WBP1L: variants seen among roughly 807,000 people sequenced by gnomAD.
WBP1L encodes WW domain binding protein 1-like.
In WBP1L, 17 loss-of-function variants were observed where a neutral mutation model predicts 33.7. The ratio of observed to expected loss-of-function variants is 0.50; its 90% CI spans 0.34 to 0.76. The LOEUF (loss-of-function observed/expected upper bound fraction) is 0.76. Among genes scored for constraint, WBP1L ranks in the 30% least tolerant of loss-of-function variants. The pLI is 0.01. For missense variants in WBP1L, 389 were observed against 469.4 expected (o/e 0.83, Z 1.58); for synonymous variants, 173 against 190.8 (o/e 0.91, Z 0.77).
At position 102,813,488 on chromosome 10, in the gene WBP1L, C is replaced by T. The variant is rs1843880655; in HGVS notation, c.*157C>T. The stretch of plus-strand genomic sequence containing the variant: ...TCCTCTCCTGCATTTTCCTCCATCT[C>T]CAGGTACAGTTCGGGGTGTGGATGC... On this transcript the variant is annotated 3_prime_UTR_variant, in exon 4 of 4. Coordinates refer to ENST00000448841, the MANE Select transcript of WBP1L (RefSeq NM_001083913.2). The T allele has an allele frequency of 9.4e-7, 1 of 1,065,472 alleles. No homozygotes were observed. The highest frequency in any genetic ancestry group is 1.6e-5 in the African/African-American group (1 of 62,494). 66.0% of individuals were successfully genotyped at this position (1,065,472 alleles called of 1,614,324 possible). A position where few individuals can be genotyped will look rare whatever the true frequency, so the allele number is the denominator to read the frequency against.
chr10:102,790,446 T>C (rs962753466), intron 1 of WBP1L, among the ~76,000 whole-genome samples: 1 of 152,198 alleles, frequency 6.6e-6, no homozygotes, highest in African/African-American at 2.4e-5. Context: ...GTCATCTTGT[T>C]TGTAATGGAT....
At chr10:102,792,436 T>A (rs550805053) in intron 1 of WBP1L, among the ~76,000 whole-genome samples, 88 of 152,334 alleles carry the variant, frequency 5.8e-4, no homozygotes, top group African/African-American at 1.8e-3. Context: ...AAGTATGATC[T>A]TGTTACCTCC....
chr10:102,798,109 T>TG lies in WBP1L; in HGVS notation c.193+17dup. ...ATGAACTCTGGTGTAAGTCCTTGCT[T>TG]GGGTGCCTCTCAGTATCCCAGGGTC... On this transcript the variant is annotated intron_variant, in intron 2 of 3. Coordinates refer to ENST00000448841, the MANE Select transcript of WBP1L (RefSeq NM_001083913.2). The TG allele has an allele frequency of 6.2e-7, 1 of 1,611,276 alleles. No homozygotes were observed. Among genetic ancestry groups the TG allele is most frequent in the Non-Finnish European group, 8.5e-7 (1 of 1,177,534 alleles).
chr10:102,788,817 G>T (rs1036916749), intron 1 of WBP1L, among the ~76,000 whole-genome samples: 1 of 152,094 alleles, frequency 6.6e-6, no homozygotes, highest in Admixed American at 6.5e-5. Context: ...ATAAATAAAG[G>T]CTCAAGGTAA....
At chr10:102,801,061 A>G (rs914390457) in intron 2 of WBP1L, among the ~76,000 whole-genome samples, 2 of 148,728 alleles carry the variant, frequency 1.3e-5, no homozygotes, top group Admixed American at 6.6e-5. Flanking sequence ...ACATACTTAC[A>G]CACACACACG....
rs1843581857 is a variant in WBP1L, at chr10:102,797,047, A to T, written c.91-946A>T. On this transcript the variant is annotated intron_variant, in intron 1 of 3. Transcript: ENST00000448841. ...AGTATGAATCCTGGATCCAGTCAGG[A>T]TTCTTTTTCAATAAGCAAAAATGAT... Among the ~76,000 whole-genome samples the T allele has an allele frequency of 2.0e-5, 3 of 152,336 alleles. No homozygotes were observed. The South Asian group carries it at 6.2e-4, about 32-fold the overall frequency.
intron 2 of WBP1L, among the ~76,000 whole-genome samples, chr10:102,808,440 G>A (rs1194782836): frequency 2.6e-5 from 4 of 152,182 alleles, no homozygotes; most frequent in Admixed American, 2.6e-4. Context: ...GGTTTGCTGA[G>A]ATTCTCTGAG....
At position 102,744,382 on chromosome 10, in the gene WBP1L, C is replaced by T. The variant is rs1029345640; in HGVS notation, c.90+239C>T. The stretch of plus-strand genomic sequence containing the variant: ...AGCGAGTGAGGGGCGTTTGAGACGG[C>T]AGGTTGGTTAGGTGGGCTGGGGTGA... On this transcript the variant is annotated intron_variant, in intron 1 of 3. Coordinates refer to ENST00000448841, the MANE Select transcript of WBP1L (RefSeq NM_001083913.2). 2.7e-5 allele frequency: 27 copies of T among 985,300 alleles called. No homozygotes were observed. The Admixed American group carries it at 7.4e-4, about 27-fold the overall frequency. The allele number at this position is 985,300 out of a possible 1,614,324, so 61.0% of individuals were successfully genotyped here. A position where few individuals can be genotyped will look rare whatever the true frequency, so the allele number is the denominator to read the frequency against.
chr10:102,756,354 G>T (rs1377666320), intron 1 of WBP1L, among the ~76,000 whole-genome samples: 1 of 152,166 alleles, frequency 6.6e-6, no homozygotes, highest in East Asian at 1.9e-4. Context: ...AGGTTGCAGT[G>T]AGCCAAGATC....
chr10:102,809,890 C>T lies in WBP1L; in HGVS notation c.194-3C>T, dbSNP rs570940594. ...TCTCTGTCTTGCCTTGCCCACCCCCCAGGGTTCTGGCTGGTGTGGACCATC... is the reference window on the plus strand; with the variant it reads ...TCTCTGTCTTGCCTTGCCCACCCCCTAGGGTTCTGGCTGGTGTGGACCATC... On this transcript the variant is annotated splice_region_variant and splice_polypyrimidine_tract_variant and intron_variant, in intron 2 of 3. Coordinates refer to ENST00000448841, the MANE Select transcript of WBP1L (RefSeq NM_001083913.2). The T allele has an allele frequency of 6.2e-7, 1 of 1,608,788 alleles. No individual in the cohort carries two copies.
chr10:102,744,025 C>G lies in WBP1L; in HGVS notation c.-29C>G. On this transcript the variant is annotated 5_prime_UTR_variant, in exon 1 of 4. Transcript: ENST00000448841. ...AGGAGGAGGAGGGAGGTGGCGGCGC[C>G]GTGGCGGAGGAGCAGGAGCAGGAGG... The G allele has an allele frequency of 1.3e-6, 2 of 1,511,726 alleles. No individual in the cohort carries two copies. Among genetic ancestry groups the G allele is most frequent in the African/African-American group, 1.4e-5 (1 of 72,220 alleles). The allele number at this position is 1,511,726 out of a possible 1,614,324, so 93.6% of individuals were successfully genotyped here. A position where few individuals can be genotyped will look rare whatever the true frequency, so the allele number is the denominator to read the frequency against.
intron 2 of WBP1L, among the ~76,000 whole-genome samples, chr10:102,804,957 G>A (rs1372004242): frequency 2.0e-5 from 3 of 149,670 alleles, no homozygotes; most frequent in East Asian, 1.9e-4. Flanking sequence ...TCTTTAAAAC[G>A]GGGAAAACAA....
chr10:102,781,872 G>A (rs11819129), intron 1 of WBP1L, among the ~76,000 whole-genome samples: 1 of 126,176 alleles, frequency 7.9e-6, no homozygotes, highest in South Asian at 3.0e-4. Context: ...TTTTTTTTGG[G>A]GGGGGTGGGG....
chr10:102,764,631 CAT>C (rs917068691), intron 1 of WBP1L, among the ~76,000 whole-genome samples: 3 of 152,116 alleles, frequency 2.0e-5, no homozygotes, highest in African/African-American at 7.2e-5. Flanking sequence ...GGGGTGTGGA[CAT>C]ATTTGTTCCA....
Position 102,795,370 on chromosome 10 carries a change from G to A in WBP1L, c.91-2623G>A, listed in dbSNP as rs541166566. On this transcript the variant is annotated intron_variant, in intron 1 of 3. Coordinates refer to ENST00000448841, the MANE Select transcript of WBP1L (RefSeq NM_001083913.2). Reference sequence around the variant, plus strand: ...CCCCATCGTAAGCCGAGAAACTTCCGTACTGTGTTAAAAACTGTTTGAGGA... The same window carrying A: ...CCCCATCGTAAGCCGAGAAACTTCCATACTGTGTTAAAAACTGTTTGAGGA... 1.8e-4 allele frequency among the ~76,000 whole-genome samples: 28 copies of A among 152,274 alleles called. 1 individual carries two copies. In the South Asian group the frequency reaches 5.0e-3, roughly 27 times the overall value.
chr10:102,746,611 G>T (rs57924360), intron 1 of WBP1L, among the ~76,000 whole-genome samples: 1 of 9,056 alleles, frequency 1.1e-4, no homozygotes, highest in Non-Finnish European at 2.8e-4. Flanking sequence ...GGTTTTTTTG[G>T]GGGGGGTGGG....
intron 1 of WBP1L, among the ~76,000 whole-genome samples, chr10:102,795,729 C>T (rs1306882334): frequency 6.6e-6 from 1 of 152,204 alleles, no homozygotes; most frequent in East Asian, 1.9e-4. Flanking sequence ...TATGTGGACA[C>T]TTTGAACTGT....
chr10:102,761,650 G>A (rs1034637873), intron 1 of WBP1L, among the ~76,000 whole-genome samples: 2 of 152,012 alleles, frequency 1.3e-5, no homozygotes, highest in Non-Finnish European at 2.9e-5. Context: ...TGGAGACAGG[G>A]TTTAACTGTG....
chr10:102,809,993 T>C lies in WBP1L; in HGVS notation c.294T>C (p.His98=), dbSNP rs371639000. 1 of 1,613,808 alleles carries C rather than the reference T, an allele frequency of 6.2e-7. No individual in the cohort carries two copies. Among genetic ancestry groups the C allele is most frequent in the Non-Finnish European group, 8.5e-7 (1 of 1,180,014 alleles). ...GCCTTCAGGCCCAGCAGCGGCAACA[T>C]GAAATCAACCTGATCGCTTACCGAG... ...KHRLQAQQRQ[H]EINLIAYREA... Residue 98 remains histidine, a synonymous_variant, in exon 3 of 4, where the codon CAT becomes CAC. Transcript: ENST00000448841.
Sources: gnomAD v4.1 joint callset for allele counts (sites outside exome capture counted in the v4.1 genomes callset) on GRCh38, gnomAD v4.1.1 for gene constraint, MANE v1.5 for transcripts, NCBI Gene and HGNC (gene_info 2026-07-23, HGNC 2026-07-21) for gene names.